DOK6: variants seen among roughly 807,000 people sequenced by gnomAD.
DOK6 encodes the protein downstream of tyrosine kinase 6.
A neutral mutation model predicts 44.0 loss-of-function variants in DOK6; 22 were observed. That is an observed-to-expected ratio of 0.50 (90% CI 0.36 to 0.71). DOK6 has a LOEUF of 0.71. Among genes scored for constraint, DOK6 ranks in the 30% least tolerant of loss-of-function variants. The pLI, the probability that DOK6 is intolerant of heterozygous loss-of-function variation, is 0.00. For missense variants in DOK6, 340 were observed against 416.4 expected (o/e 0.82, Z 1.60); for synonymous variants, 166 against 145.5 (o/e 1.14, Z -1.01).
intron 1 of DOK6, among the ~76,000 whole-genome samples, chr18:69,445,537 G>A (rs1262462708): frequency 6.6e-6 from 1 of 151,940 alleles, no homozygotes; most frequent in South Asian, 2.1e-4. Context: ...TTTTTTTGGG[G>A]GGGGATTTAA....
intron 5 of DOK6, among the ~76,000 whole-genome samples, chr18:69,733,967 A>G (rs1156660956): frequency 2.0e-5 from 3 of 152,160 alleles, no homozygotes; most frequent in Non-Finnish European, 4.4e-5. Flanking sequence ...ATATCAAAAG[A>G]TATTTTCACC....
chr18:69,827,919 T>C (rs535754894), intron 7 of DOK6, among the ~76,000 whole-genome samples: 1 of 152,118 alleles, frequency 6.6e-6, no homozygotes, highest in Admixed American at 6.5e-5. Context: ...AAGTTTTTTC[T>C]TAATATATCG....
intron 5 of DOK6, among the ~76,000 whole-genome samples, chr18:69,732,507 T>A (rs1380580153): frequency 6.6e-6 from 1 of 152,194 alleles, no homozygotes; most frequent in African/African-American, 2.4e-5. Context: ...CTTATATGTA[T>A]ATATTTTCAA....
chr18:69,683,870 T>C (rs1011334152), intron 4 of DOK6, among the ~76,000 whole-genome samples: 5 of 152,242 alleles, frequency 3.3e-5, no homozygotes, highest in African/African-American at 1.2e-4. Flanking sequence ...TAACTTTGTA[T>C]AACCCAACAT....
At chr18:69,828,884 G>GTGTATATATATA (rs1555673465) in intron 7 of DOK6, among the ~76,000 whole-genome samples, 2 of 90,168 alleles carry the variant, frequency 2.2e-5, no homozygotes, top group African/African-American at 3.1e-5. Context: ...ACATTTATGT[G>GTGTATATATATA]TATATATATA....
At chr18:69,616,156 T>C (rs1984278823) in intron 3 of DOK6, among the ~76,000 whole-genome samples, 1 of 152,176 alleles carries the variant, frequency 6.6e-6, no homozygotes, top group East Asian at 1.9e-4. Flanking sequence ...CCAGTACATA[T>C]CCTGAGAGGC....
At chr18:69,726,998 G>A (rs1327539522) in intron 5 of DOK6, among the ~76,000 whole-genome samples, 2 of 152,144 alleles carry the variant, frequency 1.3e-5, no homozygotes, top group Non-Finnish European at 2.9e-5. Flanking sequence ...GGGGCTACAG[G>A]TGGATGCTGC....
intron 3 of DOK6, among the ~76,000 whole-genome samples, chr18:69,652,413 G>A (rs77474008): frequency 0.018 from 2,676 of 152,260 alleles, 97 homozygotes; most frequent in East Asian, 0.13. Flanking sequence ...AGTGTGATGG[G>A]AAAATCCCAG....
intron 1 of DOK6, among the ~76,000 whole-genome samples, chr18:69,471,220 A>C (rs984907036): frequency 3.8e-5 from 5 of 132,020 alleles, no homozygotes; most frequent in African/African-American, 1.1e-4. Flanking sequence ...ATTGCACTCT[A>C]GCCTGGGCAA....
rs190492811 is a variant in DOK6, at chr18:69,742,731, G to T, written c.738+3628G>T. Among the ~76,000 whole-genome samples, 7 of 152,204 alleles carry T rather than the reference G, an allele frequency of 4.6e-5. No individual in the cohort carries two copies. In the East Asian group the frequency reaches 1.4e-3, roughly 29 times the overall value. On this transcript the variant is annotated intron_variant, in intron 6 of 7. Transcript: ENST00000382713. ...TTCTCAAGTAGCCCAGAATTGTGTG[G>T]GATCAAATAATTTGTACTGCTCAGA...
chr18:69,498,557 C>G (rs945735955), intron 1 of DOK6, among the ~76,000 whole-genome samples: 1 of 152,076 alleles, frequency 6.6e-6, no homozygotes. Flanking sequence ...GATATGATGA[C>G]AGTGGCTTAT....
intron 3 of DOK6, among the ~76,000 whole-genome samples, chr18:69,637,751 A>C (rs942914152): frequency 6.6e-6 from 1 of 151,946 alleles, no homozygotes; most frequent in African/African-American, 2.4e-5. Flanking sequence ...TTTTTAAACC[A>C]GCAAAGGGGT....
chr18:69,642,905 A>G (rs1984979118), intron 3 of DOK6, among the ~76,000 whole-genome samples: 1 of 152,250 alleles, frequency 6.6e-6, no homozygotes, highest in Non-Finnish European at 1.5e-5. Context: ...TAGATTAAGT[A>G]CCTATTAATG....
intron 7 of DOK6, among the ~76,000 whole-genome samples, chr18:69,827,192 A>G (rs1443486381): frequency 1.3e-5 from 2 of 152,106 alleles, no homozygotes; most frequent in African/African-American, 4.8e-5. Context: ...CCTATCACCT[A>G]TTAGAAAAAA....
intron 7 of DOK6, among the ~76,000 whole-genome samples, chr18:69,818,440 G>A (rs1981467410): frequency 6.6e-6 from 1 of 152,134 alleles, no homozygotes; most frequent in South Asian, 2.1e-4. Context: ...GTAACACTAG[G>A]CAAATCTGAA....
chr18:69,548,554 T>C (rs1243010536), intron 1 of DOK6, among the ~76,000 whole-genome samples: 1 of 151,440 alleles, frequency 6.6e-6, no homozygotes, highest in Admixed American at 6.6e-5. Flanking sequence ...ATACAGTCTG[T>C]TTGGCTAAGC....
intron 3 of DOK6, among the ~76,000 whole-genome samples, chr18:69,641,223 GA>G (rs796755439): frequency 0.02 from 2,711 of 133,856 alleles, 79 homozygotes; most frequent in African/African-American, 0.069. Flanking sequence ...CAAAAAAAAA[GA>G]AAAAAAAAAA....
At chr18:69,682,417 T>C (rs1986065117) in intron 4 of DOK6, among the ~76,000 whole-genome samples, 1 of 152,176 alleles carries the variant, frequency 6.6e-6, no homozygotes, top group African/African-American at 2.4e-5. Flanking sequence ...TTGGGCTGAG[T>C]TAGACTGGGT....
At chr18:69,512,454 C>A (rs536465086) in intron 1 of DOK6, among the ~76,000 whole-genome samples, 2 of 150,520 alleles carry the variant, frequency 1.3e-5, no homozygotes, top group Admixed American at 1.3e-4. Flanking sequence ...TGCAATTCTC[C>A]TACCTCAGCC....
Sources: gnomAD v4.1 joint callset for allele counts (sites outside exome capture counted in the v4.1 genomes callset) on GRCh38, gnomAD v4.1.1 for gene constraint, MANE v1.5 for transcripts, NCBI Gene and HGNC (gene_info 2026-07-23, HGNC 2026-07-21) for gene names.